The following WLS variants were observed in gnomAD, a reference collection of about 807,000 sequenced individuals.
WLS encodes the protein Wnt ligand secretion mediator.
A neutral mutation model predicts 62.8 loss-of-function variants in WLS; 23 were observed. The ratio of observed to expected loss-of-function variants is 0.37; its 90% CI spans 0.26 to 0.52. The LOEUF (loss-of-function observed/expected upper bound fraction) is 0.52, where lower values mean the gene tolerates loss of function less well. Ranked by LOEUF, WLS falls within the 20% of genes least tolerant of loss-of-function variation. The pLI, the probability that WLS is intolerant of heterozygous loss-of-function variation, is 0.92. For synonymous variants in WLS, 246 were observed against 244.1 expected, an observed-to-expected ratio of 1.01 and a Z score of -0.07; for missense variants, 615 against 697.3, an observed-to-expected ratio of 0.88 and a Z score of 1.33.
chr1:68,174,338 G>A (rs1470990458), intron 2 of WLS, among the ~76,000 whole-genome samples: 4 of 152,198 alleles, frequency 2.6e-5, no homozygotes, highest in Non-Finnish European at 5.9e-5. Context: ...TACGGCTTAT[G>A]TGGGGAATTA....
At chr1:68,144,141 C>T (rs1217709565) in intron 10 of WLS, among the ~76,000 whole-genome samples, 2 of 152,166 alleles carry the variant, frequency 1.3e-5, no homozygotes, top group Admixed American at 1.3e-4. Flanking sequence ...AGACAAGATG[C>T]TATCAAAGAG....
intron 1 of WLS, among the ~76,000 whole-genome samples, chr1:68,204,734 A>G (rs1649207037): frequency 6.6e-6 from 1 of 152,156 alleles, no homozygotes; most frequent in South Asian, 2.1e-4. Flanking sequence ...AATTTGTTAA[A>G]TGCCTATAGT....
intron 11 of WLS, among the ~76,000 whole-genome samples, chr1:68,110,444 CAAT>C (rs1172129903): frequency 3.6e-5 from 5 of 137,738 alleles, no homozygotes; most frequent in African/African-American, 1.1e-4. Context: ...ATAAAAGTCT[CAAT>C]AATTTCAGTG....
At chr1:68,181,758 G>A (rs1259067720) in intron 2 of WLS, among the ~76,000 whole-genome samples, 2 of 152,184 alleles carry the variant, frequency 1.3e-5, no homozygotes, top group African/African-American at 4.8e-5. Context: ...TTCTCCAGCT[G>A]CTAAATTAAA....
At chr1:68,113,544 C>T (rs868669653) in intron 11 of WLS, among the ~76,000 whole-genome samples, 46 of 152,154 alleles carry the variant, frequency 3.0e-4, no homozygotes, top group African/African-American at 1.1e-3. Context: ...TTCATATGAT[C>T]CAAGCACTTT....
At chr1:68,153,106 C>G (rs764186531) in intron 5 of WLS, among the ~76,000 whole-genome samples, 6 of 152,086 alleles carry the variant, frequency 3.9e-5, no homozygotes, top group Admixed American at 1.3e-4. Flanking sequence ...TAGGGAAACC[C>G]TGTCTCTACA....
chr1:68,179,361 G>C (rs552121399), intron 2 of WLS, among the ~76,000 whole-genome samples: 1 of 152,226 alleles, frequency 6.6e-6, no homozygotes, highest in Non-Finnish European at 1.5e-5. Context: ...GCACTCCATA[G>C]CCCTGTCAAT....
chr1:68,219,536 G>A (rs546265062), intron 1 of WLS, among the ~76,000 whole-genome samples: 6 of 152,004 alleles, frequency 3.9e-5, no homozygotes, highest in Admixed American at 6.5e-5. Context: ...TAAAACTTAG[G>A]GAGGACCTCA....
chr1:68,189,163 T>A (rs1373258193), intron 2 of WLS, among the ~76,000 whole-genome samples: 2 of 152,210 alleles, frequency 1.3e-5, no homozygotes, highest in African/African-American at 2.4e-5. Flanking sequence ...AGCAGCCATC[T>A]AGGTTACTAG....
At chr1:68,130,978 G>A (rs533190452) in intron 11 of WLS, among the ~76,000 whole-genome samples, 8 of 133,378 alleles carry the variant, frequency 6.0e-5, no homozygotes, top group African/African-American at 1.1e-4. Context: ...TGCAACCTCC[G>A]CCTCCAGGGT....
chr1:68,134,798 G>T (rs1400844938), intron 11 of WLS, among the ~76,000 whole-genome samples: 1 of 152,240 alleles, frequency 6.6e-6, no homozygotes, highest in Admixed American at 6.5e-5. Context: ...ACTCTGTTGA[G>T]GAAGAGTGAA....
At chr1:68,129,880 AAAG>A (rs1460088806) in intron 11 of WLS, among the ~76,000 whole-genome samples, 1 of 152,206 alleles carries the variant, frequency 6.6e-6, no homozygotes, top group Non-Finnish European at 1.5e-5. Flanking sequence ...GAGAAAGAAA[AAAG>A]AAAAGAATGC....
chr1:68,122,961 G>A (rs913629215), downstream of WLS, among the ~76,000 whole-genome samples: 2 of 152,108 alleles, frequency 1.3e-5, no homozygotes, highest in South Asian at 2.1e-4. Context: ...TCACTCCTTC[G>A]ATGCTAACTC....
chr1:68,206,465 C>T (rs1015515059), intron 1 of WLS, among the ~76,000 whole-genome samples: 2 of 152,180 alleles, frequency 1.3e-5, no homozygotes, highest in East Asian at 1.9e-4. Context: ...TCAGTTAACA[C>T]TTGGTGAGTG....
intron 1 of WLS, among the ~76,000 whole-genome samples, chr1:68,210,761 A>G (rs1266134176): frequency 1.3e-5 from 2 of 152,222 alleles, no homozygotes; most frequent in Admixed American, 1.3e-4. Flanking sequence ...ACAAGAGGAG[A>G]GGTAAACTAC....
Position 68,130,410 on chromosome 1 carries a change from C to T in WLS, c.1517-4075G>A, listed in dbSNP as rs1000014452. Reference sequence around the variant, plus strand: ...GTTCATATTTGTTCTCAAGGTCATACACAATGTGTGCCGGAGCCAAGATTC... The same window carrying T: ...GTTCATATTTGTTCTCAAGGTCATATACAATGTGTGCCGGAGCCAAGATTC... On this transcript the variant is annotated intron_variant, in intron 11 of 11. Coordinates refer to ENST00000262348, the MANE Select transcript of WLS (RefSeq NM_024911.7). Among the ~76,000 whole-genome samples the T allele has an allele frequency of 9.2e-5, 14 of 152,158 alleles. 1 individual carries two copies. The highest frequency in any genetic ancestry group is 6.5e-4 in the Admixed American group (10 of 15,278).
intron 6 of WLS, 41 bp downstream of exon 6, chr1:68,150,147 A>T (rs991258324): frequency 6.2e-7 from 1 of 1,603,302 alleles, no homozygotes; most frequent in Admixed American, 1.7e-5. Flanking sequence ...GCCTGCACAG[A>T]GCAGCTGGTA....
At chr1:68,191,464 T>A (rs967744537) in intron 2 of WLS, among the ~76,000 whole-genome samples, 1 of 152,160 alleles carries the variant, frequency 6.6e-6, no homozygotes, top group African/African-American at 2.4e-5. Context: ...ACTCTTTCCT[T>A]CCCAAGGCTC....
chr1:68,157,750 C>A (rs1339421436), intron 3 of WLS, among the ~76,000 whole-genome samples: 1 of 152,182 alleles, frequency 6.6e-6, no homozygotes, highest in Non-Finnish European at 1.5e-5. Context: ...AAGGGATCAA[C>A]ACATCCTAAA....
Sources: gnomAD v4.1 joint callset for allele counts (sites outside exome capture counted in the v4.1 genomes callset) on GRCh38, gnomAD v4.1.1 for gene constraint, MANE v1.5 for transcripts, NCBI Gene and HGNC (gene_info 2026-07-23, HGNC 2026-07-21) for gene names.